Variants in BUD13 observed in about 807,000 individuals in gnomAD.
BUD13 encodes BUD13 spliceosome associated protein, also known as BUD13 homolog.
A neutral mutation model predicts 62.5 loss-of-function variants in BUD13; 47 were observed. That is an observed-to-expected ratio of 0.75 (90% CI 0.60 to 0.96). The LOEUF is 0.96. BUD13 is among the 40% of genes least tolerant of loss of function. The pLI is 0.00. For synonymous variants in BUD13, 293 were observed against 280.1 expected (o/e 1.05, Z -0.46); for missense variants, 821 against 790.9 (o/e 1.04, Z -0.46).
At chr11:116,761,775 A>G (rs761120737) in intron 4 of BUD13, among the ~76,000 whole-genome samples, 2 of 152,202 alleles carry the variant, frequency 1.3e-5, no homozygotes, top group Non-Finnish European at 2.9e-5. Context: ...GCACAGGCCT[A>G]AGTTCTAGCG....
intron 3 of BUD13, 126 bp downstream of exon 3, chr11:116,765,236 G>A (rs752254358): frequency 5.6e-5 from 56 of 992,978 alleles, no homozygotes; most frequent in Non-Finnish European, 8.3e-5. Context: ...CCTTTTTCCT[G>A]CTTTATTTTT....
chr11:116,752,193 G>C (rs140790337), intron 9 of BUD13, among the ~76,000 whole-genome samples: 12 of 152,114 alleles, frequency 7.9e-5, no homozygotes, highest in Admixed American at 6.5e-4. Flanking sequence ...TGATCTGCCC[G>C]CCTCGGCCTC....
intron 9 of BUD13, among the ~76,000 whole-genome samples, chr11:116,755,376 C>T (rs571532227): frequency 6.6e-6 from 1 of 152,214 alleles, no homozygotes; most frequent in South Asian, 2.1e-4. Context: ...AAGGTCTGAA[C>T]AACTCAGCAA....
chr11:116,767,270 C>T (rs1233203392), intron 2 of BUD13, among the ~76,000 whole-genome samples: 2 of 150,972 alleles, frequency 1.3e-5, no homozygotes, highest in Non-Finnish European at 3.0e-5. Context: ...GCCTAATGAA[C>T]ATATAAAAAA....
intron 7 of BUD13, 93 bp from the exon 8 acceptor site, chr11:116,758,043 CTCTT>C: frequency 6.6e-7 from 1 of 1,513,302 alleles, no homozygotes; most frequent in Non-Finnish European, 8.9e-7. Context: ...GGACAATCTC[CTCTT>C]TCTAGTACCC....
rs746950602 is a variant in BUD13, at chr11:116,763,183, G to A, written c.406C>T (p.Pro136Ser). Residue 136 changes from proline (P) to serine (S), a missense_variant, in exon 4 of 10, where the codon CCA becomes TCA. Pro to Ser is a moderately conservative substitution (Grantham distance 74, BLOSUM62 -1). This residue lies in a region of BUD13 where 800 missense variants were observed against 739.2 expected (regional missense o/e 1.08). Coordinates refer to ENST00000260210, the MANE Select transcript of BUD13 (RefSeq NM_032725.4). ...SSPRRVRHGT[P>S]DPSPRKDRHD... ...CGGTCCTTCCTAGGAGATGGATCTGGGGTACCATGACGGACCCTCCTAGGA... is the reference window on the plus strand; with the variant it reads ...CGGTCCTTCCTAGGAGATGGATCTGAGGTACCATGACGGACCCTCCTAGGA... 6.9e-6 allele frequency: 11 copies of A among 1,597,416 alleles called. No individual in the cohort carries two copies. In the African/African-American group the frequency reaches 1.2e-4, roughly 18 times the overall value.
rs759916257 is a variant in BUD13, at chr11:116,760,968, G to C, written c.1037-16C>G. The C allele has an allele frequency of 3.1e-6, 5 of 1,606,676 alleles. No homozygotes were observed. The highest frequency in any genetic ancestry group is 1.7e-5 in the Admixed American group (1 of 59,974). Reference sequence around the variant, plus strand: ...TGGCAGTCACCTGGATAGGAGCAAAGAATCTGTGTGACTCTGATGTCCTCT... The same window carrying C: ...TGGCAGTCACCTGGATAGGAGCAAACAATCTGTGTGACTCTGATGTCCTCT... On this transcript the variant is annotated splice_polypyrimidine_tract_variant and intron_variant, in intron 4 of 9. Coordinates refer to ENST00000260210, the MANE Select transcript of BUD13 (RefSeq NM_032725.4).
In BUD13 at chr11:116,756,907, T is replaced by C. The variant is rs117685786; in HGVS notation, c.1766+239A>G. 1.2e-3 allele frequency among the ~76,000 whole-genome samples: 181 copies of C among 152,352 alleles called. 4 individuals carry two copies. In the East Asian group the frequency reaches 0.031, roughly 26 times the overall value. On this transcript the variant is annotated intron_variant, in intron 9 of 9. Transcript: ENST00000260210. ...CCAATGTCCAAAACAAAGGGTGTCT[T>C]ATCTGAACCACCTGAGGTGTTTGTC...
In BUD13 at chr11:116,758,274, T is replaced by C. The variant is rs759580652; in HGVS notation, c.1494A>G (p.Gly498=). The C allele has an allele frequency of 6.2e-7, 1 of 1,614,130 alleles. No individual in the cohort carries two copies. Among genetic ancestry groups the C allele is most frequent in the Non-Finnish European group, 8.5e-7 (1 of 1,180,012 alleles). The change falls in exon 7 of 10, where the codon GGA becomes GGG. Residue 498 remains glycine, a synonymous_variant. Transcript: ENST00000260210. ...CCTTTCAGTGGTTCCCTTACCCTTT[T>C]CCCCACTGGGCATACAGCTCATCTC... is the stretch of plus-strand genomic sequence containing the variant. ...SERDELYAQW[G]KGLAQSRQQQ...
chr11:116,757,260 T>C (rs1835437167), intron 8 of BUD13, 33 bp from the exon 9 acceptor site: 1 of 1,577,480 alleles, frequency 6.3e-7, no homozygotes, highest in Non-Finnish European at 8.7e-7. Flanking sequence ...AGTATTCAGT[T>C]AATGACATAG....
At chr11:116,748,901 C>T (rs921574345) in intron 9 of BUD13, among the ~76,000 whole-genome samples, 3 of 147,768 alleles carry the variant, frequency 2.0e-5, no homozygotes, top group African/African-American at 7.5e-5. Context: ...AGGAGAATCG[C>T]TTGAACCTGG....
intron 1 of BUD13, among the ~76,000 whole-genome samples, chr11:116,772,405 G>A (rs1940645767): frequency 6.6e-6 from 1 of 152,216 alleles, no homozygotes; most frequent in Non-Finnish European, 1.5e-5. Context: ...AACAGGAGGT[G>A]ATCAAAGGTC....
chr11:116,754,477 T>C (rs1392327115), intron 9 of BUD13, among the ~76,000 whole-genome samples: 1 of 152,114 alleles, frequency 6.6e-6, no homozygotes, highest in Non-Finnish European at 1.5e-5. Context: ...AAATAACCCA[T>C]GGAGCAAAGA....
intron 9 of BUD13, among the ~76,000 whole-genome samples, chr11:116,749,316 A>G (rs1047048993): frequency 1.3e-5 from 2 of 152,248 alleles, no homozygotes; most frequent in Admixed American, 6.5e-5. Context: ...GAAGAGAGAG[A>G]CATTTAAACA....
chr11:116,771,098 A>T (rs1434162754), intron 1 of BUD13, among the ~76,000 whole-genome samples: 1 of 152,184 alleles, frequency 6.6e-6, no homozygotes, highest in Admixed American at 6.5e-5. Flanking sequence ...ACTCTTCCTC[A>T]TTCTTCAGGT....
intron 6 of BUD13, among the ~76,000 whole-genome samples, chr11:116,758,655 T>C (rs182297596): frequency 1.1e-4 from 16 of 150,140 alleles, no homozygotes; most frequent in Non-Finnish European, 2.1e-4. Flanking sequence ...TGGCGCGATC[T>C]TGGCTCACTG....
intron 9 of BUD13, among the ~76,000 whole-genome samples, chr11:116,750,025 A>C (rs1041060482): frequency 6.6e-6 from 1 of 152,228 alleles, no homozygotes; most frequent in African/African-American, 2.4e-5. Context: ...TCTCAAGTCT[A>C]AATCAATAGA....
At chr11:116,762,523 C>A in intron 4 of BUD13, 30 bp downstream of exon 4, 5 of 1,492,104 alleles carry the variant, frequency 3.4e-6, no homozygotes, top group Non-Finnish European at 4.6e-6. Flanking sequence ...GGGATACATA[C>A]ATCCCTCTCA....
rs1248898539 is a variant in BUD13 at position 116,763,239 on chromosome 11, C to T, written c.350G>A (p.Arg117Lys). 6.5e-7 allele frequency: 1 copy of T among 1,545,854 alleles called. No individual in the cohort carries two copies. The highest frequency in any genetic ancestry group is 1.4e-5 in the African/African-American group (1 of 72,854). ...GGHNEDLPSNRHFRHDTPDSS... is the reference protein window; with the variant it reads ...GGHNEDLPSNKHFRHDTPDSS... ...ATCCGGGGTATCGTGACGAAAATGT[C>T]TGTTTGAGGGTAGGTCTTCGTTGTG... is the stretch of plus-strand genomic sequence containing the variant. Residue 117 changes from arginine to lysine, a missense_variant, in exon 4 of 10, where the codon AGA becomes AAA. Physicochemically the swap from Arg to Lys is conservative, Grantham distance 26. Around this residue, in one of 2 missense-constraint regions of BUD13, gnomAD observed 800 missense variants for 739.2 expected, o/e 1.08. Coordinates refer to ENST00000260210, the MANE Select transcript of BUD13 (RefSeq NM_032725.4).
Sources: gnomAD v4.1 joint callset for allele counts (sites outside exome capture counted in the v4.1 genomes callset) on GRCh38, gnomAD v4.1.1 for gene constraint, gnomAD v4.1.1 regional missense constraint, MANE v1.5 for transcripts, NCBI Gene and HGNC (gene_info 2026-07-23, HGNC 2026-07-21) for gene names.